Variants in GPR108 observed in about 807,000 individuals in gnomAD.
GPR108 encodes protein GPR108.
A neutral mutation model predicts 74.3 loss-of-function variants in GPR108; 60 were observed. That is an observed-to-expected ratio of 0.81 (90% CI 0.66 to 1.00). GPR108 has a LOEUF of 1.00. Among genes scored for constraint, GPR108 ranks in the 50% least tolerant of loss-of-function variants. GPR108 has a pLI of 0.00. For missense variants in GPR108, 667 were observed against 703.3 expected (o/e 0.95, Z 0.58); for synonymous variants, 311 against 292.4 (o/e 1.06, Z -0.65).
In GPR108 at chr19:6,732,329, C is replaced by G. The variant is rs777767293; in HGVS notation, c.1059G>C (p.Trp353Cys). Residue 353 changes from tryptophan to cysteine, a missense_variant, in exon 12 of 18, where the codon TGG becomes TGC. Physicochemically the swap from Trp to Cys is radical, Grantham distance 215. Transcript: ENST00000264080. ...CCGACAGGACGTACTTGATGAAGGCCCAGCCTGAGCCAATCAGGGCGATGG... is the reference window on the plus strand; with the variant it reads ...CCGACAGGACGTACTTGATGAAGGCGCAGCCTGAGCCAATCAGGGCGATGG... ...FITIALIGSG[W>C]AFIKYVLSDK... 1 of 1,613,422 alleles carries G rather than the reference C, an allele frequency of 6.2e-7. No homozygotes were observed. Among genetic ancestry groups the G allele is most frequent in the Non-Finnish European group, 8.5e-7 (1 of 1,180,026 alleles).
rs1968389824 is a variant in GPR108 at position 6,731,259 on chromosome 19, G to T, written c.1374C>A (p.Thr458=). The change falls in exon 16 of 18, where the codon ACC becomes ACA. Residue 458 remains threonine (T), a synonymous_variant. Coordinates refer to ENST00000264080, the MANE Select transcript of GPR108 (RefSeq NM_001080452.2). The part of the protein sequence containing the change: ...YVMVICYVYF[T]RIIAILLQVA... The stretch of plus-strand genomic sequence containing the variant: ...CCTGCAGCAGGATGGCGATGATGCG[G>T]GTGAAGTAGACGTAGCAGATGACCT... The T allele has an allele frequency of 6.4e-7, 1 of 1,557,042 alleles. No homozygotes were observed. Among genetic ancestry groups the T allele is most frequent in the Non-Finnish European group, 8.7e-7 (1 of 1,149,278 alleles).
At chr19:6,732,840 G>A in intron 10 of GPR108, 147 bp downstream of exon 10, 1 of 711,362 alleles carries the variant, frequency 1.4e-6, no homozygotes, top group South Asian at 1.7e-5. Context: ...GAGGGGATGG[G>A]TGACTGGCCA....
intron 2 of GPR108, 109 bp from the exon 3 acceptor site, chr19:6,736,067 A>C: frequency 1.7e-5 from 15 of 903,716 alleles, no homozygotes; most frequent in Non-Finnish European, 2.2e-5. Context: ...AACACCTAAC[A>C]TGTGCTAGAT....
chr19:6,733,535 C>A, intron 8 of GPR108, 35 bp downstream of exon 8: 2 of 1,582,328 alleles, frequency 1.3e-6, no homozygotes, highest in Non-Finnish European at 1.7e-6. Flanking sequence ...CTGCAGGGGG[C>A]GCTCCCTGGC....
At chr19:6,735,785 C>G (rs1968610501) in intron 3 of GPR108, 81 bp from the exon 4 acceptor site, 1 of 1,538,918 alleles carries the variant, frequency 6.5e-7, no homozygotes, top group East Asian at 2.3e-5. Context: ...CCTGTCCACC[C>G]ACGGGATCTT....
chr19:6,737,321 G>A lies in GPR108; in HGVS notation c.120+136C>T. ...GGATCCCGGGACGAGACCACTCCGG[G>A]CCCGGAAACGGGGGGCGCCGGACCA... On this transcript the variant is annotated intron_variant, in intron 1 of 17. Transcript: ENST00000264080. 10 of 1,150,172 alleles carry A rather than the reference G, an allele frequency of 8.7e-6. No individual in the cohort carries two copies. The South Asian group carries it at 1.7e-4, about 19-fold the overall frequency. 71.2% of individuals were successfully genotyped at this position (1,150,172 alleles called of 1,614,324 possible).
At chr19:6,735,143 C>A (rs768589274) in intron 4 of GPR108, among the ~76,000 whole-genome samples, 2 of 152,186 alleles carry the variant, frequency 1.3e-5, no homozygotes, top group Non-Finnish European at 2.9e-5. Flanking sequence ...CCTTTTGCCT[C>A]GGCCTCCCAA....
intron 1 of GPR108, 92 bp from the exon 2 acceptor site, chr19:6,736,803 C>G: frequency 6.4e-7 from 1 of 1,556,592 alleles, no homozygotes; most frequent in East Asian, 2.3e-5. Context: ...GAAGGGCCTC[C>G]TGGTACCCCT....
At chr19:6,735,535 C>T (rs540270807) in intron 4 of GPR108, 87 bp downstream of exon 4, 9 of 1,133,428 alleles carry the variant, frequency 7.9e-6, no homozygotes, top group African/African-American at 4.7e-5. Context: ...TGCTTCTCAT[C>T]CCACCTGATC....
intron 1 of GPR108, chr19:6,737,231 C>A: frequency 1.8e-6 from 1 of 549,038 alleles, no homozygotes; most frequent in Non-Finnish European, 3.1e-6. Flanking sequence ...TGGAGCCTCG[C>A]CCCCGAAGGG....
rs767305137 is a variant in GPR108 at position 6,731,024 on chromosome 19, G to A, written c.1522C>T (p.Pro508Ser). Reference sequence around the variant, plus strand: ...TGAACATCCTCCTCGTCCTCCTGGGGCAGCTGCAGGTACGGGTTGTTTCCT... The same window carrying A: ...TGAACATCCTCCTCGTCCTCCTGGGACAGCTGCAGGTACGGGTTGTTTCCT... ...PTGNNPYLQLPQEDEEDVQME... is the reference protein window; with the variant it reads ...PTGNNPYLQLSQEDEEDVQME... Residue 508 changes from proline to serine, a missense_variant, in exon 17 of 18, where the codon CCC becomes TCC. Pro to Ser is a moderately conservative substitution (Grantham distance 74). Coordinates refer to ENST00000264080, the MANE Select transcript of GPR108 (RefSeq NM_001080452.2). 1 of 1,613,610 alleles carries A rather than the reference G, an allele frequency of 6.2e-7. No homozygotes were observed. Among genetic ancestry groups the A allele is most frequent in the Non-Finnish European group, 8.5e-7 (1 of 1,179,880 alleles).
At chr19:6,734,138 C>A (rs1251419094) in intron 5 of GPR108, 45 bp downstream of exon 5, 18 of 1,614,026 alleles carry the variant, frequency 1.1e-5, no homozygotes, top group Non-Finnish European at 1.5e-5. Flanking sequence ...GTGCAAAGGG[C>A]AGACCTGCCC....
intron 10 of GPR108, 66 bp downstream of exon 10, chr19:6,732,921 T>G: frequency 5.7e-6 from 8 of 1,415,260 alleles, no homozygotes; most frequent in South Asian, 1.2e-5. Context: ...TCTGCAGAGA[T>G]TTGGGGGATG....
In GPR108 at chr19:6,736,459, G is replaced by A. The variant is rs1479741887; in HGVS notation, c.240+133C>T. Reference sequence around the variant, plus strand: ...CTGTGTAAGACATCATTACTCCCAGGTACAGATGACGAAACAGGCTCAGAG... The same window carrying A: ...CTGTGTAAGACATCATTACTCCCAGATACAGATGACGAAACAGGCTCAGAG... On this transcript the variant is annotated intron_variant, in intron 2 of 17. Transcript: ENST00000264080. 3.2e-6 allele frequency: 3 copies of A among 923,406 alleles called. No individual in the cohort carries two copies. The East Asian group carries it at 8.0e-5, about 25-fold the overall frequency. 57.2% of individuals were successfully genotyped at this position (923,406 alleles called of 1,614,324 possible). A position where few individuals can be genotyped will look rare whatever the true frequency, so the allele number is the denominator to read the frequency against.
rs997669956 is a variant in GPR108 at position 6,737,564 on chromosome 19, C to G, written c.13G>C (p.Glu5Gln). ...CTCCCGCGGCCGAGCCCCCTCCTCT[C>G]GCTCACTGCCATCTCTGGAGCCACC... is the stretch of plus-strand genomic sequence containing the variant. MAVS[E>Q]RRGLGRGSPA... The change falls in exon 1 of 18, where the codon GAG becomes CAG. Residue 5 changes from glutamate to glutamine, a missense_variant. Coordinates refer to ENST00000264080, the MANE Select transcript of GPR108 (RefSeq NM_001080452.2). 3 of 1,514,496 alleles carry G rather than the reference C, an allele frequency of 2.0e-6. No individual in the cohort carries two copies. In the African/African-American group the frequency reaches 4.3e-5, roughly 22 times the overall value. 93.8% of individuals were successfully genotyped at this position (1,514,496 alleles called of 1,614,324 possible).
At position 6,731,231 on chromosome 19, in the gene GPR108, C is replaced by T; in HGVS notation, c.1402G>A (p.Ala468Thr). 1 of 1,567,514 alleles carries T rather than the reference C, an allele frequency of 6.4e-7. No individual in the cohort carries two copies. The highest frequency in any genetic ancestry group is 8.7e-7 in the Non-Finnish European group (1 of 1,154,380). Residue 468 changes from alanine (A) to threonine (T), a missense_variant, in exon 16 of 18, where the codon GCT (alanine) becomes ACT (threonine). By Grantham distance (58) the Ala-to-Thr change is moderately conservative. Transcript: ENST00000264080. ...AGCCACTGCCACTGAAAGGGCACAG[C>T]CACCTGCAGCAGGATGGCGATGATG... ...TRIIAILLQV[A>T]VPFQWQWLYQ... is the part of the protein sequence containing the mutation.
intron 2 of GPR108, 140 bp downstream of exon 2, chr19:6,736,452 C>G: frequency 1.1e-6 from 1 of 869,612 alleles, no homozygotes; most frequent in South Asian, 1.6e-5. Context: ...GACATCATTA[C>G]TCCCAGGTAC....
At chr19:6,731,582 G>T (rs890087440) in intron 14 of GPR108, 60 bp from the exon 15 acceptor site, 2 of 933,648 alleles carry the variant, frequency 2.1e-6, no homozygotes, top group Non-Finnish European at 3.2e-6. Flanking sequence ...GAGGGGAGGG[G>T]GCTGGGGGCT....
chr19:6,734,742 C>T (rs1282798119), intron 4 of GPR108, among the ~76,000 whole-genome samples: 3 of 151,904 alleles, frequency 2.0e-5, no homozygotes, highest in Admixed American at 1.3e-4. Context: ...GGTCTCCCTA[C>T]GTTGCCCAGG....
Sources: allele counts gnomAD v4.1 joint callset (sites outside exome capture counted in the v4.1 genomes callset), GRCh38; gene constraint gnomAD v4.1.1; transcripts MANE v1.5; gene names NCBI Gene and HGNC (gene_info 2026-07-23, HGNC 2026-07-21).